The following SHROOM3 variants were observed in gnomAD, a reference collection of about 807,000 sequenced individuals.
SHROOM3 encodes the protein protein Shroom3.
A neutral mutation model predicts 138.6 loss-of-function variants in SHROOM3; 47 were observed. That is an observed-to-expected ratio of 0.34 (90% CI 0.27 to 0.43). The LOEUF is 0.43. Ranked by LOEUF, SHROOM3 falls within the 20% of genes least tolerant of loss-of-function variation. The probability of loss-of-function intolerance (pLI) is 1.00; values close to 1 mark genes in which losing one functional copy is unlikely to be tolerated. For missense variants in SHROOM3, 2,491 were observed against 2,596.5 expected (o/e 0.96, Z 0.88); for synonymous variants, 1,062 against 1,063.3 (o/e 1.00, Z 0.02).
intron 3 of SHROOM3, among the ~76,000 whole-genome samples, chr4:76,726,559 A>G (rs1346638620): frequency 6.6e-6 from 1 of 151,248 alleles, no homozygotes; most frequent in African/African-American, 2.4e-5. Context: ...AAAAAAAAAA[A>G]AAAATTTAAG....
intron 1 of SHROOM3, among the ~76,000 whole-genome samples, chr4:76,459,726 G>T (rs919888123): frequency 3.3e-5 from 5 of 152,004 alleles, no homozygotes; most frequent in Non-Finnish European, 7.4e-5. Context: ...CAGGATTCTC[G>T]GTGCCTTTGC....
chr4:76,619,654 T>C (rs1734954764), intron 2 of SHROOM3, among the ~76,000 whole-genome samples: 1 of 152,184 alleles, frequency 6.6e-6, no homozygotes, highest in Non-Finnish European at 1.5e-5. Flanking sequence ...ACTGTTTTTA[T>C]TGTAAGAGAC....
intron 1 of SHROOM3, among the ~76,000 whole-genome samples, chr4:76,529,013 C>T (rs1195178433): frequency 6.6e-6 from 1 of 152,226 alleles, no homozygotes; most frequent in Non-Finnish European, 1.5e-5. Context: ...TCCTCACTGC[C>T]ATCTGCCGCT....
rs139635179 is a variant in SHROOM3 at position 76,756,465 on chromosome 4, A to G, written c.4726A>G (p.Lys1576Glu). ...CCCTGGCAGCTTCAACAAACTTTCT[A>G]AAGTGACAATTGCAAGGGAAAGGCA... ...GPRPSFNKLS[K>E]VTIARERHMP... Residue 1576 changes from lysine to glutamate, a missense_variant, in exon 8 of 11, where the codon AAA (lysine) becomes GAA (glutamate). This residue lies in a region of SHROOM3 where 470 missense variants were observed against 595.0 expected (regional missense o/e 0.79). Coordinates refer to ENST00000296043, the MANE Select transcript of SHROOM3 (RefSeq NM_020859.4). 4.6e-4 allele frequency: 737 copies of G among 1,611,600 alleles called. 5 individuals carry two copies. The East Asian group carries it at 0.01, about 23-fold the overall frequency.
intron 2 of SHROOM3, among the ~76,000 whole-genome samples, chr4:76,566,406 G>C (rs553821200): frequency 2.0e-5 from 3 of 152,110 alleles, no homozygotes; most frequent in Non-Finnish European, 4.4e-5. Context: ...AGCTACAACT[G>C]TATTCATTTA....
rs564552258 is a variant in SHROOM3, at chr4:76,466,843, G to A, written c.168+30623G>A. 8.1e-4 allele frequency among the ~76,000 whole-genome samples: 123 copies of A among 152,144 alleles called. No individual in the cohort carries two copies. The Middle Eastern group carries it at 0.01, about 13-fold the overall frequency. ...TTTAGCAAAAATAAAAAATAAGGAA[G>A]CAATAAGTTTAGGTTTGGGCTGAAG... is the stretch of plus-strand genomic sequence containing the variant. On this transcript the variant is annotated intron_variant, in intron 1 of 10. Transcript: ENST00000296043.
chr4:76,473,930 A>T (rs1287802141), intron 1 of SHROOM3, among the ~76,000 whole-genome samples: 2 of 152,240 alleles, frequency 1.3e-5, no homozygotes, highest in Non-Finnish European at 2.9e-5. Flanking sequence ...AGTTAAACAT[A>T]GAATTACCAT....
Position 76,739,194 on chromosome 4 carries a change from G to T in SHROOM3, c.1021G>T (p.Gly341Cys). Reference sequence around the variant, plus strand: ...TAGGGAGGCCCGAGCCTCAGCAAATGGTCAGGGCTATGATAAATGGTCTAA... The same window carrying T: ...TAGGGAGGCCCGAGCCTCAGCAAATTGTCAGGGCTATGATAAATGGTCTAA... ...QGREARASANGQGYDKWSNIP... is the reference protein window; with the variant it reads ...QGREARASANCQGYDKWSNIP... The change falls in exon 5 of 11, where the codon GGT (glycine) becomes TGT (cysteine). Residue 341 changes from glycine to cysteine, a missense_variant. This residue lies in a region of SHROOM3 where 1,733 missense variants were observed against 1,661.6 expected (regional missense o/e 1.04). Transcript: ENST00000296043. 1 of 1,614,170 alleles carries T rather than the reference G, an allele frequency of 6.2e-7. No homozygotes were observed. The highest frequency in any genetic ancestry group is 1.1e-5 in the South Asian group (1 of 91,082).
At chr4:76,462,718 C>T (rs1731166965) in intron 1 of SHROOM3, among the ~76,000 whole-genome samples, 1 of 148,480 alleles carries the variant, frequency 6.7e-6, no homozygotes, top group Non-Finnish European at 1.5e-5. Flanking sequence ...CTCTCCCTCT[C>T]CCTCTCCCTT....
intron 2 of SHROOM3, among the ~76,000 whole-genome samples, chr4:76,659,193 C>T (rs1185028875): frequency 6.6e-6 from 1 of 152,110 alleles, no homozygotes; most frequent in Non-Finnish European, 1.5e-5. Flanking sequence ...CTTCAGCCAC[C>T]TCTCCTCTCC....
At position 76,439,811 on chromosome 4, in the gene SHROOM3, A is replaced by G. The variant is rs1730632180; in HGVS notation, c.168+3591A>G. Reference sequence around the variant, plus strand: ...AGATATAAATGAGGCAGGAGAATGAATGGCCGTAAAGGATCTACAAAGGGT... The same window carrying G: ...AGATATAAATGAGGCAGGAGAATGAGTGGCCGTAAAGGATCTACAAAGGGT... On this transcript the variant is annotated intron_variant, in intron 1 of 10. Coordinates refer to ENST00000296043, the MANE Select transcript of SHROOM3 (RefSeq NM_020859.4). 2.0e-5 allele frequency among the ~76,000 whole-genome samples: 3 copies of G among 152,350 alleles called. No homozygotes were observed. The South Asian group carries it at 6.2e-4, about 32-fold the overall frequency.
At chr4:76,547,990 A>G (rs1238828343) in intron 1 of SHROOM3, among the ~76,000 whole-genome samples, 1 of 151,044 alleles carries the variant, frequency 6.6e-6, no homozygotes, top group Non-Finnish European at 1.5e-5. Flanking sequence ...TGAGAAAATA[A>G]CAATGCGGAG....
At chr4:76,543,559 A>G (rs1005187097) in intron 1 of SHROOM3, among the ~76,000 whole-genome samples, 1 of 152,200 alleles carries the variant, frequency 6.6e-6, no homozygotes, top group Non-Finnish European at 1.5e-5. Context: ...CCACAGGTTT[A>G]TTTCATGCTC....
chr4:76,547,023 T>C (rs1733235089), intron 1 of SHROOM3, among the ~76,000 whole-genome samples: 1 of 152,232 alleles, frequency 6.6e-6, no homozygotes, highest in Non-Finnish European at 1.5e-5. Flanking sequence ...AAGGTCAGCT[T>C]CCTGCTCCAC....
intron 2 of SHROOM3, among the ~76,000 whole-genome samples, chr4:76,684,320 C>G (rs902677902): frequency 4.6e-5 from 7 of 152,140 alleles, no homozygotes; most frequent in Non-Finnish European, 7.3e-5. Flanking sequence ...CCTTTGTGTT[C>G]CGTGTCTCCA....
rs1722738543 is a variant in SHROOM3, at chr4:76,781,601, G to A, written c.*2424G>A. On this transcript the variant is annotated 3_prime_UTR_variant, in exon 11 of 11. Transcript: ENST00000296043. ...GTGAAATGGGTAAGGCACCAAGTGAGACTTTGAAATCTAATTTTTAGGTGG... is the reference window on the plus strand; with the variant it reads ...GTGAAATGGGTAAGGCACCAAGTGAAACTTTGAAATCTAATTTTTAGGTGG... 6.6e-6 allele frequency: 1 copy of A among 152,224 alleles called. No individual in the cohort carries two copies. Among genetic ancestry groups the A allele is most frequent in the African/African-American group, 2.4e-5 (1 of 41,456 alleles). The allele number at this position is 152,224 out of a possible 1,614,324, so 9.4% of individuals were successfully genotyped here.
At chr4:76,734,623 G>A (rs1428983896) in intron 4 of SHROOM3, among the ~76,000 whole-genome samples, 3 of 150,914 alleles carry the variant, frequency 2.0e-5, no homozygotes, top group African/African-American at 2.4e-5. Flanking sequence ...CGATCCTCCC[G>A]CCTCAGCCTC....
At chr4:76,473,015 A>G (rs1220158046) in intron 1 of SHROOM3, among the ~76,000 whole-genome samples, 1 of 152,208 alleles carries the variant, frequency 6.6e-6, no homozygotes, top group Non-Finnish European at 1.5e-5. Context: ...TAGACAAAGC[A>G]TCAAAAGCAC....
intron 1 of SHROOM3, among the ~76,000 whole-genome samples, chr4:76,473,470 A>C (rs989654133): frequency 3.3e-5 from 5 of 152,076 alleles, no homozygotes; most frequent in African/African-American, 1.2e-4. Flanking sequence ...TTAGCTGGAC[A>C]TGGTGGCATG....
Sources: gnomAD v4.1 joint callset for allele counts (sites outside exome capture counted in the v4.1 genomes callset) on GRCh38, gnomAD v4.1.1 for gene constraint, gnomAD v4.1.1 regional missense constraint, MANE v1.5 for transcripts, NCBI Gene and HGNC (gene_info 2026-07-23, HGNC 2026-07-21) for gene names.